The following PRKAR1B variants were observed in gnomAD, a reference collection of about 807,000 sequenced individuals.
The protein encoded by PRKAR1B is protein kinase cAMP-dependent type I regulatory subunit beta.
In PRKAR1B, 22 loss-of-function variants were observed where a neutral mutation model predicts 46.5. That is an observed-to-expected ratio of 0.47 (90% confidence interval 0.34 to 0.68). PRKAR1B has a LOEUF of 0.68. Ranked by LOEUF, PRKAR1B falls within the 30% of genes least tolerant of loss-of-function variation. The pLI, the probability that PRKAR1B is intolerant of heterozygous loss-of-function variation, is 0.01. For synonymous variants in PRKAR1B, 259 were observed against 217.7 expected (o/e 1.19, Z -1.67); for missense variants, 445 against 535.6 (o/e 0.83, Z 1.67).
At chr7:651,895 G>C (rs111540372) in intron 4 of PRKAR1B, among the ~76,000 whole-genome samples, 1 of 100,352 alleles carries the variant, frequency 1.0e-5, no homozygotes. Flanking sequence ...CCCACACAAC[G>C]CTAGGAACCT....
chr7:647,158 C>T (rs1192098026), intron 4 of PRKAR1B, among the ~76,000 whole-genome samples: 3 of 152,232 alleles, frequency 2.0e-5, no homozygotes, highest in Admixed American at 1.3e-4. Flanking sequence ...CCAAAACCAG[C>T]CTGCCTGCCC....
chr7:590,047 G>C (rs1222162824), intron 7 of PRKAR1B, among the ~76,000 whole-genome samples: 2 of 152,240 alleles, frequency 1.3e-5, no homozygotes, highest in East Asian at 3.8e-4. Flanking sequence ...ACACCACGCA[G>C]AGAGAACCGG....
chr7:582,376 C>T (rs934935249), intron 8 of PRKAR1B, among the ~76,000 whole-genome samples: 1 of 152,274 alleles, frequency 6.6e-6, no homozygotes, highest in African/African-American at 2.4e-5. Flanking sequence ...CAGGCTCATC[C>T]AGGGCCATCC....
At chr7:600,365 C>T (rs561571101) in intron 6 of PRKAR1B, among the ~76,000 whole-genome samples, 176 of 152,118 alleles carry the variant, frequency 1.2e-3, no homozygotes, top group Non-Finnish European at 2.0e-3. Flanking sequence ...ATTAGCTGGA[C>T]GTGGTGGTGC....
chr7:630,148 CA>C (rs1182749411), intron 4 of PRKAR1B, among the ~76,000 whole-genome samples: 2 of 152,244 alleles, frequency 1.3e-5, no homozygotes, highest in African/African-American at 4.8e-5. Context: ...AAGTGGAGCG[CA>C]GTGGAAGAGC....
At chr7:588,433 T>C (rs1176359123) in intron 7 of PRKAR1B, among the ~76,000 whole-genome samples, 5 of 152,140 alleles carry the variant, frequency 3.3e-5, no homozygotes, top group African/African-American at 1.2e-4. Context: ...TTGGTGAGGA[T>C]AGTGACAGTG....
rs1454540162 is a variant in PRKAR1B, at chr7:602,831, G to A, written c.549+3362C>T. The A allele has an allele frequency of 6.3e-6, 1 of 157,510 alleles. No individual in the cohort carries two copies. Among genetic ancestry groups the A allele is most frequent in the East Asian group, 1.9e-4 (1 of 5,180 alleles). The allele number at this position is 157,510 out of a possible 1,614,324, so 9.8% of individuals were successfully genotyped here. A position where few individuals can be genotyped will look rare whatever the true frequency, so the allele number is the denominator to read the frequency against. On this transcript the variant is annotated intron_variant, in intron 6 of 10. Transcript: ENST00000537384. This position sits in a 1 kb window ranked among gnomAD's most constrained non-coding sequence, Gnocchi z 6.4. ...CAGTGAGCTCTGTTCGTTTTTCTGAGTAATATGGAAATGGCACGGCTCAGC... is the reference window on the plus strand; with the variant it reads ...CAGTGAGCTCTGTTCGTTTTTCTGAATAATATGGAAATGGCACGGCTCAGC...
At chr7:684,401 T>C (rs1169003006) in intron 2 of PRKAR1B, among the ~76,000 whole-genome samples, 1 of 152,200 alleles carries the variant, frequency 6.6e-6, no homozygotes, top group Non-Finnish European at 1.5e-5. Context: ...TAGCGACCTC[T>C]CGAATGACAG....
chr7:663,010 A>G (rs928419823), intron 4 of PRKAR1B, among the ~76,000 whole-genome samples: 6 of 152,226 alleles, frequency 3.9e-5, no homozygotes, highest in African/African-American at 1.4e-4. Context: ...CAGACAGGAC[A>G]GAGTCCTGAA....
chr7:591,462 T>C (rs1034299629), intron 7 of PRKAR1B, among the ~76,000 whole-genome samples: 1 of 152,152 alleles, frequency 6.6e-6, no homozygotes, highest in African/African-American at 2.4e-5. Context: ...CCACTTCCCA[T>C]GAGTCGGCTC....
At chr7:713,435 C>T (rs553687994) in intron 1 of PRKAR1B, among the ~76,000 whole-genome samples, 28 of 152,162 alleles carry the variant, frequency 1.8e-4, no homozygotes, top group East Asian at 5.8e-4. Context: ...TATGCTGCCC[C>T]ATCTTCACCT....
chr7:575,947 G>A (rs1208255920), intron 9 of PRKAR1B, among the ~76,000 whole-genome samples: 1 of 151,704 alleles, frequency 6.6e-6, no homozygotes, highest in South Asian at 2.1e-4. Context: ...CGAACATGAC[G>A]CTGGCATCCT....
At chr7:615,844 A>C (rs887331194) in intron 4 of PRKAR1B, among the ~76,000 whole-genome samples, 8 of 140,836 alleles carry the variant, frequency 5.7e-5, no homozygotes, top group Non-Finnish European at 7.9e-5. Flanking sequence ...AAAAAAAAAG[A>C]AAGCAAGAAA....
At chr7:691,579 G>T in intron 2 of PRKAR1B, 1 of 1,304,460 alleles carries the variant, frequency 7.7e-7, no homozygotes, top group Non-Finnish European at 1.0e-6. Flanking sequence ...CCTACACGCA[G>T]TCCTTTCGGA....
At chr7:585,952 G>A (rs576149505) in intron 7 of PRKAR1B, among the ~76,000 whole-genome samples, 81 of 152,228 alleles carry the variant, frequency 5.3e-4, no homozygotes, top group Non-Finnish European at 9.0e-4. Flanking sequence ...TTTACCAGGT[G>A]CCTCCCACCT....
intron 6 of PRKAR1B, among the ~76,000 whole-genome samples, chr7:604,727 T>G (rs976438786): frequency 2.6e-5 from 4 of 152,082 alleles, no homozygotes; most frequent in African/African-American, 9.7e-5. Flanking sequence ...CTCCCCAGAA[T>G]AGCGTGGCCG....
At chr7:591,181 G>C (rs1780953925) in intron 7 of PRKAR1B, among the ~76,000 whole-genome samples, 1 of 152,250 alleles carries the variant, frequency 6.6e-6, no homozygotes, top group Non-Finnish European at 1.5e-5. Context: ...CCCCGGGGGA[G>C]GGCCCGGCCC....
chr7:696,123 C>A (rs1387353503), intron 2 of PRKAR1B, among the ~76,000 whole-genome samples: 2 of 151,546 alleles, frequency 1.3e-5, no homozygotes, highest in Non-Finnish European at 2.9e-5. Flanking sequence ...TGCACCACCA[C>A]CAGTATGCCT....
chr7:627,881 G>C (rs1418072155), intron 4 of PRKAR1B, among the ~76,000 whole-genome samples: 5 of 152,206 alleles, frequency 3.3e-5, no homozygotes, highest in Admixed American at 3.3e-4. Flanking sequence ...GCAGGTCTGT[G>C]CTGGGCGCCA....
Sources: allele counts gnomAD v4.1 joint callset (sites outside exome capture counted in the v4.1 genomes callset), GRCh38; gene constraint gnomAD v4.1.1; non-coding constraint Gnocchi (gnomAD v3.1); transcripts MANE v1.5; gene names NCBI Gene and HGNC (gene_info 2026-07-23, HGNC 2026-07-21).